The following ARHGEF28 variants were observed in gnomAD, a reference collection of about 807,000 sequenced individuals.
ARHGEF28 encodes 190 kDa guanine nucleotide exchange factor.
Under a neutral mutation model 206.6 loss-of-function variants are expected in ARHGEF28, and 152 were observed. That is an observed-to-expected ratio of 0.74 (90% CI 0.64 to 0.84). The LOEUF is 0.84. Among genes scored for constraint, ARHGEF28 ranks in the 40% least tolerant of loss-of-function variants. The pLI, the probability that ARHGEF28 is intolerant of heterozygous loss-of-function variation, is 0.00. For missense variants in ARHGEF28, 2,028 were observed against 2,073.2 expected, an observed-to-expected ratio of 0.98 and a Z score of 0.42; for synonymous variants, 763 against 776.4, an observed-to-expected ratio of 0.98 and a Z score of 0.29.
rs574889277 is a variant in ARHGEF28 at position 73,817,931 on chromosome 5, G to T, written c.1025-14407G>T. Reference sequence around the variant, plus strand: ...ACTAGGAGGAGAAGTGACAGGGAGAGACTCTGGAGGAGCAAGATGGTAGGG... The same window carrying T: ...ACTAGGAGGAGAAGTGACAGGGAGATACTCTGGAGGAGCAAGATGGTAGGG... On this transcript the variant is annotated intron_variant, in intron 9 of 35. Transcript: ENST00000513042. 5.3e-5 allele frequency among the ~76,000 whole-genome samples: 8 copies of T among 152,286 alleles called. No homozygotes were observed. In the East Asian group the frequency reaches 1.3e-3, roughly 26 times the overall value.
At chr5:73,760,507 T>C (rs1752546982) in intron 4 of ARHGEF28, among the ~76,000 whole-genome samples, 1 of 152,226 alleles carries the variant, frequency 6.6e-6, no homozygotes, top group African/African-American at 2.4e-5. Context: ...GCTGGTAGTA[T>C]ACTCCTTCTG....
rs143184703 is a variant in ARHGEF28, at chr5:73,869,905, C to CA, written c.2426-155dup. ...CCTGGGCGACAGAGAGAAACTGTCT[C>CA]AAAAAAAAACAGATGTTTCACTCCA... On this transcript the variant is annotated intron_variant, in intron 20 of 35. Coordinates refer to ENST00000513042, the MANE Select transcript of ARHGEF28 (RefSeq NM_001177693.2). Among the ~76,000 whole-genome samples, 39,055 of 149,134 alleles carry CA rather than the reference C, an allele frequency of 0.26. 5,614 individuals are homozygous for CA. Among genetic ancestry groups the CA allele is most frequent in the Admixed American group, 0.37 (5,570 of 15,018 alleles).
chr5:73,894,615 A>C, intron 29 of ARHGEF28, 40 bp downstream of exon 29: 1 of 1,596,488 alleles, frequency 6.3e-7, no homozygotes, highest in South Asian at 1.1e-5. Context: ...ACACGTTCAG[A>C]AAATGTTTAT....
intron 9 of ARHGEF28, among the ~76,000 whole-genome samples, chr5:73,819,612 A>G (rs996635632): frequency 2.6e-5 from 4 of 152,186 alleles, no homozygotes; most frequent in Non-Finnish European, 5.9e-5. Flanking sequence ...AGCCTGTAGT[A>G]GGAGGAAATA....
intron 2 of ARHGEF28, among the ~76,000 whole-genome samples, chr5:73,732,215 A>G (rs1214596202): frequency 6.6e-6 from 1 of 152,058 alleles, no homozygotes; most frequent in Non-Finnish European, 1.5e-5. Context: ...TGCTCTGCCT[A>G]TTCATCCCTC....
At chr5:73,923,304 A>T (rs1763623399) in intron 35 of ARHGEF28, 4 of 763,848 alleles carry the variant, frequency 5.2e-6, no homozygotes, top group Middle Eastern at 5.0e-4. Context: ...TCAAATACTA[A>T]ATTTGTCTTT....
At chr5:73,809,455 CA>C (rs1755713369) in intron 9 of ARHGEF28, among the ~76,000 whole-genome samples, 1 of 152,118 alleles carries the variant, frequency 6.6e-6, no homozygotes, top group South Asian at 2.1e-4. Context: ...CTGACGGAGC[CA>C]TTATTTGAAC....
intron 2 of ARHGEF28, among the ~76,000 whole-genome samples, chr5:73,734,107 G>T (rs1750768247): frequency 6.6e-6 from 1 of 152,100 alleles, no homozygotes; most frequent in Admixed American, 6.5e-5. Context: ...CCCAACACTG[G>T]GGATTATAAT....
intron 22 of ARHGEF28, among the ~76,000 whole-genome samples, chr5:73,874,931 T>C (rs190610763): frequency 0.59 from 89,569 of 150,850 alleles, 27,270 homozygotes; most frequent in African/African-American, 0.7. Flanking sequence ...TGGGTATATA[T>C]CCAGTGATGG....
At chr5:73,746,782 G>A (rs187659000) in intron 2 of ARHGEF28, among the ~76,000 whole-genome samples, 22 of 152,128 alleles carry the variant, frequency 1.4e-4, no homozygotes, top group African/African-American at 5.1e-4. Context: ...GGGTCCATGT[G>A]TCTGCCTCGG....
chr5:73,774,759 A>G (rs1028387493), intron 5 of ARHGEF28, among the ~76,000 whole-genome samples: 4 of 152,252 alleles, frequency 2.6e-5, no homozygotes, highest in African/African-American at 9.6e-5. Context: ...GGATTCATAT[A>G]TAGTGATTTT....
At chr5:73,916,244 C>G (rs1368267800) in intron 35 of ARHGEF28, among the ~76,000 whole-genome samples, 1 of 152,096 alleles carries the variant, frequency 6.6e-6, no homozygotes, top group Non-Finnish European at 1.5e-5. Flanking sequence ...TGACACCTTA[C>G]TTGTGTAATC....
chr5:73,796,778 G>T (rs1026210335), intron 9 of ARHGEF28, among the ~76,000 whole-genome samples: 3 of 152,170 alleles, frequency 2.0e-5, no homozygotes, highest in African/African-American at 7.2e-5. Flanking sequence ...GAGGGGAAGA[G>T]GAAGGCAAAA....
intron 9 of ARHGEF28, among the ~76,000 whole-genome samples, chr5:73,796,411 A>G (rs6883289): frequency 0.19 from 28,801 of 152,176 alleles, 5,383 homozygotes; most frequent in African/African-American, 0.48. Context: ...AGCTAAATCA[A>G]TGCTCAGAGT....
In ARHGEF28 at chr5:73,892,105, T is replaced by C. The variant is rs1027725144; in HGVS notation, c.3441T>C (p.Ala1147=). The C allele has an allele frequency of 5.2e-5, 83 of 1,598,136 alleles. No homozygotes were observed. Among genetic ancestry groups the C allele is most frequent in the Non-Finnish European group, 6.7e-5 (79 of 1,171,502 alleles). The change falls in exon 27 of 36, where the codon GCT becomes GCC. Residue 1147 remains alanine, a synonymous_variant. Coordinates refer to ENST00000513042, the MANE Select transcript of ARHGEF28 (RefSeq NM_001177693.2). ...SLQKLIAREV[A]NEERGMFLIS... is the part of the protein sequence containing the mutation. ...AAAAGCTTATTGCTAGAGAAGTTGCTAATGAGGAGAGAGGAATGTTTCTGA... is the reference window on the plus strand; with the variant it reads ...AAAAGCTTATTGCTAGAGAAGTTGCCAATGAGGAGAGAGGAATGTTTCTGA...
intron 6 of ARHGEF28, among the ~76,000 whole-genome samples, chr5:73,778,936 T>C (rs1753682536): frequency 6.6e-6 from 1 of 152,258 alleles, no homozygotes; most frequent in South Asian, 2.1e-4. Flanking sequence ...CTGTACTCAC[T>C]GAACTACAGC....
chr5:73,671,668 A>G (rs1396325905), intron 1 of ARHGEF28, among the ~76,000 whole-genome samples: 3 of 136,036 alleles, frequency 2.2e-5, no homozygotes, highest in African/African-American at 8.0e-5. Context: ...AATTGTCAGT[A>G]TCAGCTGGGT....
At chr5:73,897,426 G>A (rs1266285256) in intron 29 of ARHGEF28, among the ~76,000 whole-genome samples, 1 of 152,152 alleles carries the variant, frequency 6.6e-6, no homozygotes, top group Non-Finnish European at 1.5e-5. Context: ...ATCAAATCCA[G>A]TAAGTCTGGA....
At chr5:73,880,206 TCCGTGGGTGTAGGACC>T (rs1760824103) in intron 22 of ARHGEF28, among the ~76,000 whole-genome samples, 1 of 152,156 alleles carries the variant, frequency 6.6e-6, no homozygotes, top group Admixed American at 6.5e-5. Flanking sequence ...TCAGCGAGAC[TCCGTGGGTGTAGGACC>T]CTCCGAGCCA....
Sources: gnomAD v4.1 joint callset for allele counts (sites outside exome capture counted in the v4.1 genomes callset) on GRCh38, gnomAD v4.1.1 for gene constraint, MANE v1.5 for transcripts, NCBI Gene and HGNC (gene_info 2026-07-23, HGNC 2026-07-21) for gene names.